GALNT17: variants seen among roughly 807,000 people sequenced by gnomAD.
GALNT17 encodes the protein UDP-GalNAc:polypeptide N-acetylgalactosaminyltransferase-like 3.
Under a neutral mutation model 63.7 loss-of-function variants are expected in GALNT17, and 29 were observed. That is an observed-to-expected ratio of 0.46 (90% CI 0.34 to 0.62). The LOEUF is 0.62. GALNT17 is among the 20% of genes least tolerant of loss of function. The pLI is 0.01. For missense variants in GALNT17, 603 were observed against 799.6 expected (o/e 0.75, Z 2.97); for synonymous variants, 305 against 318.3 (o/e 0.96, Z 0.45).
At chr7:71,577,916 G>C (rs528496402) in intron 6 of GALNT17, among the ~76,000 whole-genome samples, 1 of 152,060 alleles carries the variant, frequency 6.6e-6, no homozygotes, top group Non-Finnish European at 1.5e-5. Context: ...GGGGTGGTTC[G>C]CAGACTCAGG....
intron 3 of GALNT17, among the ~76,000 whole-genome samples, chr7:71,396,423 AC>A (rs1189204248): frequency 1.3e-5 from 2 of 152,144 alleles, no homozygotes; most frequent in Non-Finnish European, 2.9e-5. Flanking sequence ...AAATCAACTT[AC>A]TGTAAATATG....
chr7:71,225,240 A>T (rs562279523), intron 1 of GALNT17, among the ~76,000 whole-genome samples: 2 of 152,334 alleles, frequency 1.3e-5, no homozygotes, highest in African/African-American at 4.8e-5. Context: ...AAGTGCTGGG[A>T]TTATAGGCAT....
chr7:71,363,748 G>T (rs2116241540), intron 2 of GALNT17, among the ~76,000 whole-genome samples: 1 of 152,358 alleles, frequency 6.6e-6, no homozygotes, highest in Admixed American at 6.5e-5. Flanking sequence ...GGTGGATAAA[G>T]ATTTAAGGAC....
At chr7:71,660,637 C>T (rs1548763) in intron 6 of GALNT17, among the ~76,000 whole-genome samples, 87,927 of 151,994 alleles carry the variant, frequency 0.58, 26,048 homozygotes, top group East Asian at 0.73. Context: ...TTAGAGGGTA[C>T]CCCTTTTGCT....
At chr7:71,286,176 T>G (rs556780788) in intron 1 of GALNT17, among the ~76,000 whole-genome samples, 1 of 152,310 alleles carries the variant, frequency 6.6e-6, no homozygotes, top group East Asian at 1.9e-4. Flanking sequence ...TAGGGCCCTT[T>G]CAAGGCCTTA....
intron 5 of GALNT17, among the ~76,000 whole-genome samples, chr7:71,429,366 T>C (rs1244372347): frequency 6.6e-6 from 1 of 152,114 alleles, no homozygotes; most frequent in Non-Finnish European, 1.5e-5. Flanking sequence ...TCCTTGTGAA[T>C]GAGGAGAGAA....
intron 2 of GALNT17, among the ~76,000 whole-genome samples, chr7:71,362,150 G>A (rs560910467): frequency 4.6e-5 from 7 of 152,160 alleles, no homozygotes; most frequent in African/African-American, 1.7e-4. Context: ...TAGAAACGGG[G>A]TTTCTCCATG....
chr7:71,208,544 G>A (rs1359867202), intron 1 of GALNT17, among the ~76,000 whole-genome samples: 1 of 148,626 alleles, frequency 6.7e-6, no homozygotes, highest in East Asian at 2.0e-4. Context: ...TTGACCTCCT[G>A]GGCTCAAATG....
intron 5 of GALNT17, among the ~76,000 whole-genome samples, chr7:71,522,005 A>G (rs1221792596): frequency 6.6e-6 from 1 of 152,188 alleles, no homozygotes; most frequent in Non-Finnish European, 1.5e-5. Context: ...ATCAAAGTAC[A>G]GTGAGATTAA....
chr7:71,167,632 C>A (rs1223151659), intron 1 of GALNT17, among the ~76,000 whole-genome samples: 1 of 152,114 alleles, frequency 6.6e-6, no homozygotes, highest in Non-Finnish European at 1.5e-5. Flanking sequence ...CTTTTGGTAT[C>A]ATATCTAAAA....
intron 6 of GALNT17, among the ~76,000 whole-genome samples, chr7:71,609,257 T>TG (rs1363823086): frequency 6.6e-6 from 1 of 152,222 alleles, no homozygotes; most frequent in Non-Finnish European, 1.5e-5. Flanking sequence ...GTGTGGATTA[T>TG]GGATTCAGAA....
chr7:71,242,228 A>G (rs1158995018), intron 1 of GALNT17, among the ~76,000 whole-genome samples: 2 of 146,262 alleles, frequency 1.4e-5, no homozygotes, highest in South Asian at 2.2e-4. Context: ...CACCTCTGCC[A>G]TTAGGGATCA....
chr7:71,282,132 C>T (rs576243823), intron 1 of GALNT17, among the ~76,000 whole-genome samples: 2 of 152,324 alleles, frequency 1.3e-5, no homozygotes, highest in South Asian at 2.1e-4. Flanking sequence ...TGCTTAAGGA[C>T]GCTGCATGAA....
At chr7:71,311,412 T>C (rs2115944402) in intron 1 of GALNT17, among the ~76,000 whole-genome samples, 1 of 152,278 alleles carries the variant, frequency 6.6e-6, no homozygotes, top group East Asian at 1.9e-4. Context: ...TGTTTGGAGA[T>C]AGCTTAACAG....
intron 1 of GALNT17, among the ~76,000 whole-genome samples, chr7:71,229,845 T>A (rs2116442171): frequency 6.6e-6 from 1 of 152,334 alleles, no homozygotes; most frequent in Admixed American, 6.5e-5. Context: ...CATTCTCACT[T>A]GGGTCACCTC....
intron 6 of GALNT17, among the ~76,000 whole-genome samples, chr7:71,611,425 T>C (rs1474582556): frequency 6.6e-6 from 1 of 152,214 alleles, no homozygotes; most frequent in Non-Finnish European, 1.5e-5. Flanking sequence ...CTGCTTATAT[T>C]TGATTTGACC....
chr7:71,246,115 GTTTTTTTTT>G (rs61447370), intron 1 of GALNT17, among the ~76,000 whole-genome samples: 968 of 92,042 alleles, frequency 0.011, 14 homozygotes, highest in African/African-American at 0.037. Flanking sequence ...TTTTTTCGTT[GTTTTTTTTT>G]TTTTTTTTTT....
At chr7:71,649,006 T>C (rs1790719019) in intron 6 of GALNT17, among the ~76,000 whole-genome samples, 1 of 152,214 alleles carries the variant, frequency 6.6e-6, no homozygotes, top group Admixed American at 6.5e-5. Flanking sequence ...AGGTGATGTC[T>C]TTTAGGGTCC....
At position 71,712,272 on chromosome 7, in the gene GALNT17, T is replaced by C; in HGVS notation, c.*126T>C. The C allele has an allele frequency of 7.3e-7, 1 of 1,378,740 alleles. No homozygotes were observed. Among genetic ancestry groups the C allele is most frequent in the Non-Finnish European group, 9.6e-7 (1 of 1,039,334 alleles). 85.4% of individuals were successfully genotyped at this position (1,378,740 alleles called of 1,614,324 possible). ...AGGTGCTCGATGGGCCCCCCAGGGC[T>C]TCTCCAGGGCAGCACAGGGACCCCG... is the stretch of plus-strand genomic sequence containing the variant. On this transcript the variant is annotated 3_prime_UTR_variant, in exon 11 of 11. Transcript: ENST00000333538.
Sources: allele counts gnomAD v4.1 joint callset (sites outside exome capture counted in the v4.1 genomes callset), GRCh38; gene constraint gnomAD v4.1.1; transcripts MANE v1.5; gene names NCBI Gene and HGNC (gene_info 2026-07-23, HGNC 2026-07-21).